Variants in BCORL1 observed in about 807,000 individuals in gnomAD.
BCORL1 encodes the protein BCL6 corepressor like 1.
A neutral mutation model predicts 87.6 loss-of-function variants in BCORL1; 7 were observed. That is an observed-to-expected ratio of 0.08 (90% CI 0.05 to 0.15). The LOEUF (loss-of-function observed/expected upper bound fraction) is 0.15. Ranked by LOEUF, BCORL1 falls within the 10% of genes least tolerant of loss-of-function variation. BCORL1 has a pLI of 1.00. For missense variants in BCORL1, 1,215 were observed against 1,499.7 expected, an observed-to-expected ratio of 0.81 and a Z score of 3.13; for synonymous variants, 591 against 634.4, an observed-to-expected ratio of 0.93 and a Z score of 1.03.
rs147515534 is a variant in BCORL1, at chrX:130,014,395, C to T, written c.1623C>T (p.Pro541=). 12 of 1,209,536 alleles carry T rather than the reference C, an allele frequency of 9.9e-6. No homozygotes were observed. The highest frequency in any genetic ancestry group is 2.2e-5 in the Admixed American group (1 of 45,714). ...PSGSTTTQPA[P]DGVPGPLADT... ...GTAGCACCACCACCCAGCCTGCACCCGATGGGGTCCCTGGGCCTTTGGCAG... is the reference window on the plus strand; with the variant it reads ...GTAGCACCACCACCCAGCCTGCACCTGATGGGGTCCCTGGGCCTTTGGCAG... Residue 541 remains proline, a synonymous_variant, in exon 4 of 14, where the codon CCC becomes CCT. Coordinates refer to ENST00000540052, the MANE Select transcript of BCORL1 (RefSeq NM_001379451.1).
In BCORL1 at chrX:130,056,326, C is replaced by T. The variant is rs992660413; in HGVS notation, c.*190C>T. On this transcript the variant is annotated 3_prime_UTR_variant, in exon 14 of 14. Transcript: ENST00000540052. ...TTTTGGTTACAATTAGTTCTCATCT[C>T]CCTGTCGTCGTCATTGTTATCGTGG... 2.4e-6 allele frequency: 1 copy of T among 409,394 alleles called. No individual in the cohort carries two copies. The highest frequency in any genetic ancestry group is 2.6e-5 in the African/African-American group (1 of 39,118). 33.7% of individuals were successfully genotyped at this position (409,394 alleles called of 1,213,427 possible). A position where few individuals can be genotyped will look rare whatever the true frequency, so the allele number is the denominator to read the frequency against.
At chrX:129,999,310 T>G (rs1435600926) in intron 1 of BCORL1, among the ~76,000 whole-genome samples, 1 of 87,738 alleles carries the variant, frequency 1.1e-5, no homozygotes. Flanking sequence ...TTTTTTTTTT[T>G]TTTTTTTTTT....
Position 130,025,417 on chromosome X carries a change from G to T in BCORL1, c.4078+38G>T, listed in dbSNP as rs181576827. On this transcript the variant is annotated intron_variant, in intron 7 of 13. Transcript: ENST00000540052. ...AGGGGCTCTGCTGTCGCCGCGGCCC[G>T]TTTGGCTTCTGGGAACCCTCGGGCA... The T allele has an allele frequency of 1.4e-5, 16 of 1,113,577 alleles. No individual in the cohort carries two copies. The African/African-American group carries it at 2.2e-4, about 16-fold the overall frequency. 91.8% of individuals were successfully genotyped at this position (1,113,577 alleles called of 1,213,427 possible). A position where few individuals can be genotyped will look rare whatever the true frequency, so the allele number is the denominator to read the frequency against.
rs1927544467 is a variant in BCORL1, at chrX:129,996,121, C to T, written c.-44-9067C>T. Among the ~76,000 whole-genome samples, 8 of 110,879 alleles carry T rather than the reference C, an allele frequency of 7.2e-5. No homozygotes were observed. In the South Asian group the frequency reaches 3.0e-3, roughly 42 times the overall value. Reference sequence around the variant, plus strand: ...AATGATGAGGTGGCCTCTCCTTTTGCTGCTGTAAAGTTTGCCTCTGTCTTA... The same window carrying T: ...AATGATGAGGTGGCCTCTCCTTTTGTTGCTGTAAAGTTTGCCTCTGTCTTA... On this transcript the variant is annotated intron_variant, in intron 1 of 13. Transcript: ENST00000540052.
In BCORL1 at chrX:130,013,123, C is replaced by G; in HGVS notation, c.351C>G (p.Ser117Arg). The change falls in exon 4 of 14, where the codon AGC (serine) becomes AGG (arginine). Residue 117 changes from serine (S) to arginine (R), a missense_variant. Transcript: ENST00000540052. ...EAEGLLVPLSSPGDGLKLPAS... is the reference protein window; with the variant it reads ...EAEGLLVPLSRPGDGLKLPAS... ...AGGGCCTCTTGGTGCCCCTGAGCAGCCCAGGAGACGGGCTCAAGCTTCCCG... is the reference window on the plus strand; with the variant it reads ...AGGGCCTCTTGGTGCCCCTGAGCAGGCCAGGAGACGGGCTCAAGCTTCCCG... 8.3e-7 allele frequency: 1 copy of G among 1,210,509 alleles called. No individual in the cohort carries two copies. Among genetic ancestry groups the G allele is most frequent in the Non-Finnish European group, 1.1e-6 (1 of 894,355 alleles).
At chrX:129,990,730 T>G (rs1368238908) in intron 1 of BCORL1, among the ~76,000 whole-genome samples, 1 of 111,328 alleles carries the variant, frequency 9.0e-6, no homozygotes, top group Non-Finnish European at 1.9e-5. Flanking sequence ...GCTTGACTCA[T>G]CACTGCATCT....
rs188691490 is a variant in BCORL1 at position 129,995,681 on chromosome X, C to A, written c.-44-9507C>A. On this transcript the variant is annotated intron_variant, in intron 1 of 13. Transcript: ENST00000540052. ...TCTTGAACTCCAGACCTCTAGTGAT[C>A]CACCTGCCTCTGCCTCTCAAAATGC... 2.9e-3 allele frequency among the ~76,000 whole-genome samples: 329 copies of A among 111,544 alleles called. 1 individual carries two copies. Among genetic ancestry groups the A allele is most frequent in the Non-Finnish European group, 3.8e-3 (201 of 53,064 alleles).
intron 8 of BCORL1, among the ~76,000 whole-genome samples, chrX:130,031,510 G>A (rs748529938): frequency 7.1e-5 from 8 of 112,417 alleles, no homozygotes; most frequent in South Asian, 7.3e-4. Context: ...GTGGCCAGGC[G>A]CGGTGGCTCA....
intron 1 of BCORL1, among the ~76,000 whole-genome samples, chrX:129,999,017 A>G (rs1410933073): frequency 9.2e-6 from 1 of 108,286 alleles, no homozygotes; most frequent in African/African-American, 3.4e-5. Flanking sequence ...TGTGTATTAT[A>G]TAGTAATTAT....
chrX:130,051,008 A>C (rs1256403533), intron 12 of BCORL1, among the ~76,000 whole-genome samples: 1 of 109,432 alleles, frequency 9.1e-6, no homozygotes, highest in Non-Finnish European at 1.9e-5. Context: ...GCCCTCTACC[A>C]CTCCCCACCC....
chrX:130,002,902 C>A (rs1474331210), intron 1 of BCORL1, among the ~76,000 whole-genome samples: 2 of 109,897 alleles, frequency 1.8e-5, no homozygotes, highest in Non-Finnish European at 3.8e-5. Context: ...AAAGGCCAGG[C>A]CCCAGTGAAT....
chrX:130,051,822 G>GT (rs1603181322), intron 12 of BCORL1, 38 bp from the exon 13 acceptor site: 1 of 1,118,220 alleles, frequency 8.9e-7, no homozygotes, highest in African/African-American at 1.8e-5. Flanking sequence ...TTTTGTACAT[G>GT]TATCTGAGTC....
At chrX:130,031,092 C>T (rs767197238) in intron 8 of BCORL1, among the ~76,000 whole-genome samples, 1 of 113,120 alleles carries the variant, frequency 8.8e-6, no homozygotes, top group Non-Finnish European at 1.9e-5. Context: ...TGCTCCTCCC[C>T]CTCCCAGGCA....
chrX:130,053,850 CT>C (rs1569394653), intron 13 of BCORL1, among the ~76,000 whole-genome samples: 1 of 112,124 alleles, frequency 8.9e-6, no homozygotes, highest in Admixed American at 9.4e-5. Flanking sequence ...GTTCTCAGGG[CT>C]TTTTTCCATT....
intron 1 of BCORL1, among the ~76,000 whole-genome samples, chrX:130,004,145 G>C (rs933408032): frequency 2.7e-5 from 3 of 110,555 alleles, no homozygotes; most frequent in Non-Finnish European, 5.7e-5. Flanking sequence ...ACTGTGCCCT[G>C]CTTGTCAAAG....
rs762340999 is a variant in BCORL1, at chrX:130,034,691, G to A, written c.4527+15G>A. ...TTGGCTATAAGGTAAGGGAGTTTTC[G>A]ACTGACCACAGGGCGCCGTTGGTCT... On this transcript the variant is annotated intron_variant, in intron 9 of 13. Transcript: ENST00000540052. 5.2e-6 allele frequency: 5 copies of A among 962,667 alleles called. No individual in the cohort carries two copies. In the African/African-American group the frequency reaches 6.1e-5, roughly 12 times the overall value. The allele number at this position is 962,667 out of a possible 1,213,427, so 79.3% of individuals were successfully genotyped here. A position where few individuals can be genotyped will look rare whatever the true frequency, so the allele number is the denominator to read the frequency against.
chrX:130,003,352 CCTTCTT>C (rs756573324), intron 1 of BCORL1, among the ~76,000 whole-genome samples: 13 of 103,958 alleles, frequency 1.3e-4, no homozygotes, highest in Admixed American at 6.1e-4. Flanking sequence ...TCCTCCTCCT[CCTTCTT>C]CTTCTTCTTC....
At chrX:130,020,867 T>G in intron 4 of BCORL1, 118 bp from the exon 5 acceptor site, 1 of 812,544 alleles carries the variant, frequency 1.2e-6, no homozygotes. Flanking sequence ...TTGCCCCTGG[T>G]CCCCCACTCT....
At chrX:130,006,866 G>A (rs1162548804) in intron 2 of BCORL1, among the ~76,000 whole-genome samples, 5 of 111,473 alleles carry the variant, frequency 4.5e-5, no homozygotes, top group African/African-American at 1.6e-4. Context: ...CACTGCACTC[G>A]GCCGCCTCTC....
Sources: allele counts gnomAD v4.1 joint callset (sites outside exome capture counted in the v4.1 genomes callset), GRCh38; gene constraint gnomAD v4.1.1; transcripts MANE v1.5; gene names NCBI Gene and HGNC (gene_info 2026-07-23, HGNC 2026-07-21).